ELOB: variants seen among roughly 807,000 people sequenced by gnomAD.
ELOB encodes the protein elongin B, also known as elongin-B.
Under a neutral mutation model 12.9 loss-of-function variants are expected in ELOB, and 3 were observed. That is an observed-to-expected ratio of 0.23 (90% CI 0.11 to 0.60). The LOEUF (loss-of-function observed/expected upper bound fraction) is 0.60, where lower values mean the gene tolerates loss of function less well. ELOB is among the 20% of genes least tolerant of loss of function. ELOB has a pLI of 0.89. For synonymous variants in ELOB, 84 were observed against 67.4 expected, an observed-to-expected ratio of 1.25 and a Z score of -1.21; for missense variants, 126 against 159.2, an observed-to-expected ratio of 0.79 and a Z score of 1.12.
At chr16:2,775,056 G>A (rs1291332780) in intron 3 of ELOB, among the ~76,000 whole-genome samples, 2 of 152,136 alleles carry the variant, frequency 1.3e-5, no homozygotes, top group South Asian at 2.1e-4. Context: ...GGCTCCCTAC[G>A]TGACTGCTGG....
intron 3 of ELOB, 151 bp from the exon 4 acceptor site, chr16:2,772,253 G>T: frequency 1.1e-6 from 1 of 912,534 alleles, no homozygotes; most frequent in Non-Finnish European, 1.5e-6. Flanking sequence ...TGACCTCCCT[G>T]TTCCAGCTAC....
chr16:2,771,649 G>A lies in ELOB; in HGVS notation c.*341C>T, dbSNP rs1433247919. ...TTAGAAGGAGAAAGGCCTAAAACTG[G>A]AATCTCTTGTCCCTGAGGCTGGCTC... On this transcript the variant is annotated 3_prime_UTR_variant, in exon 4 of 4. Coordinates refer to ENST00000409906, the MANE Select transcript of ELOB (RefSeq NM_007108.4). The A allele has an allele frequency of 1.2e-6, 2 of 1,612,242 alleles. No individual in the cohort carries two copies. The highest frequency in any genetic ancestry group is 2.7e-5 in the African/African-American group (2 of 74,884).
At position 2,775,700 on chromosome 16, in the gene ELOB, A is replaced by G. The variant is rs2068795771; in HGVS notation, c.139-144T>C. 5 of 578,298 alleles carry G rather than the reference A, an allele frequency of 8.6e-6. No individual in the cohort carries two copies. The South Asian group carries it at 8.8e-5, about 10-fold the overall frequency. 35.8% of individuals were successfully genotyped at this position (578,298 alleles called of 1,614,324 possible). On this transcript the variant is annotated intron_variant, in intron 2 of 3. Coordinates refer to ENST00000409906, the MANE Select transcript of ELOB (RefSeq NM_007108.4). ...AGGACCACCACGCTGCTTGACAAAT[A>G]CACAGATTCCAGGGTTATATCCAAG...
At position 2,771,610 on chromosome 16, in the gene ELOB, G is replaced by A. The variant is rs748204375; in HGVS notation, c.*380C>T. On this transcript the variant is annotated 3_prime_UTR_variant, in exon 4 of 4. Transcript: ENST00000409906. ...TCTGGGAGTGGACATGCAGGCTATG[G>A]GGGTGGGGGGCACTTAGAAGGAGAA... is the stretch of plus-strand genomic sequence containing the variant. The A allele has an allele frequency of 1.2e-6, 2 of 1,614,102 alleles. No individual in the cohort carries two copies. The highest frequency in any genetic ancestry group is 2.2e-5 in the East Asian group (1 of 44,878).
At position 2,771,732 on chromosome 16, in the gene ELOB, C is replaced by G; in HGVS notation, c.*258G>C. ...CCTCCCCCTGGCGTGGTTGGTGTGGCTGGCTAGCTGCTAACAATGGCTTGG... is the reference window on the plus strand; with the variant it reads ...CCTCCCCCTGGCGTGGTTGGTGTGGGTGGCTAGCTGCTAACAATGGCTTGG... On this transcript the variant is annotated 3_prime_UTR_variant, in exon 4 of 4. Transcript: ENST00000409906. 1 of 1,532,844 alleles carries G rather than the reference C, an allele frequency of 6.5e-7. No homozygotes were observed. The highest frequency in any genetic ancestry group is 2.0e-5 in the Admixed American group (1 of 50,910). The allele number at this position is 1,532,844 out of a possible 1,614,324, so 95.0% of individuals were successfully genotyped here. A position where few individuals can be genotyped will look rare whatever the true frequency, so the allele number is the denominator to read the frequency against.
At chr16:2,774,164 C>T (rs1050349820) in intron 3 of ELOB, among the ~76,000 whole-genome samples, 1 of 152,166 alleles carries the variant, frequency 6.6e-6, no homozygotes, top group African/African-American at 2.4e-5. Flanking sequence ...CGGGAGGCAG[C>T]GGCTGCAGTG....
Position 2,771,499 on chromosome 16 carries a change from TG to T in ELOB, c.*490del. ...ACAGCCCCCAGCGTGGGTGGACCTG[TG>T]TGGGTCCGTCTTGGGGTTCCCTCGT... On this transcript the variant is annotated 3_prime_UTR_variant, in exon 4 of 4. Transcript: ENST00000409906. 6.2e-7 allele frequency: 1 copy of T among 1,614,214 alleles called. No individual in the cohort carries two copies. Among genetic ancestry groups the T allele is most frequent in the Non-Finnish European group, 8.5e-7 (1 of 1,180,044 alleles).
Position 2,777,243 on chromosome 16 carries a change from G to T in ELOB, c.-4C>A, listed in dbSNP as rs1233470569. On this transcript the variant is annotated 5_prime_UTR_variant, in exon 1 of 4. Transcript: ENST00000409906. ...CTCCCCCACGCCCGCTCACCATCGC[G>T]GCTGCTGCCTCTCCCCTCGACGCGC... 3 of 1,020,838 alleles carry T rather than the reference G, an allele frequency of 2.9e-6. No individual in the cohort carries two copies. The highest frequency in any genetic ancestry group is 4.8e-4 in the Middle Eastern group (1 of 2,096). The allele number at this position is 1,020,838 out of a possible 1,614,324, so 63.2% of individuals were successfully genotyped here. A position where few individuals can be genotyped will look rare whatever the true frequency, so the allele number is the denominator to read the frequency against.
At chr16:2,773,670 G>C (rs904055103) in intron 3 of ELOB, among the ~76,000 whole-genome samples, 1 of 152,162 alleles carries the variant, frequency 6.6e-6, no homozygotes, top group East Asian at 1.9e-4. Flanking sequence ...GCCATCACCT[G>C]CAAGAGGGAT....
In ELOB at chr16:2,771,633, G is replaced by GA. The variant is rs1226054107; in HGVS notation, c.*356dup. On this transcript the variant is annotated 3_prime_UTR_variant, in exon 4 of 4. Transcript: ENST00000409906. ...TGGGGGTGGGGGGCACTTAGAAGGA[G>GA]AAAGGCCTAAAACTGGAATCTCTTG... 3 of 1,613,542 alleles carry GA rather than the reference G, an allele frequency of 1.9e-6. No homozygotes were observed. The highest frequency in any genetic ancestry group is 2.5e-6 in the Non-Finnish European group (3 of 1,179,926).
Position 2,773,089 on chromosome 16 carries a change from G to C in ELOB, c.245-987C>G, listed in dbSNP as rs147779882. 4.5e-4 allele frequency among the ~76,000 whole-genome samples: 68 copies of C among 152,228 alleles called. 1 individual carries two copies. The highest frequency in any genetic ancestry group is 1.5e-3 in the African/African-American group (63 of 41,536). ...GGAAGGCAAAGGCCTTCCCTGTCTTGTCCCTACTGTCACCCCAACACACAG... is the reference window on the plus strand; with the variant it reads ...GGAAGGCAAAGGCCTTCCCTGTCTTCTCCCTACTGTCACCCCAACACACAG... On this transcript the variant is annotated intron_variant, in intron 3 of 3. Coordinates refer to ENST00000409906, the MANE Select transcript of ELOB (RefSeq NM_007108.4).
intron 3 of ELOB, among the ~76,000 whole-genome samples, chr16:2,773,032 CACTGG>C (rs1023913188): frequency 6.6e-6 from 1 of 152,174 alleles, no homozygotes; most frequent in African/African-American, 2.4e-5. Context: ...GGGCACTTAC[CACTGG>C]ACAAACTGCC....
At chr16:2,775,397 G>C in intron 3 of ELOB, 54 bp downstream of exon 3, 2 of 1,352,048 alleles carry the variant, frequency 1.5e-6, no homozygotes, top group African/African-American at 1.4e-5. Context: ...CTTTGGAACA[G>C]TGTTCCCAAC....
intron 3 of ELOB, 197 bp from the exon 4 acceptor site, chr16:2,772,299 G>A (rs544868949): frequency 3.7e-6 from 2 of 541,362 alleles, no homozygotes; most frequent in South Asian, 3.4e-5. Flanking sequence ...CTACCCCTGT[G>A]GGCCCAACCT....
intron 2 of ELOB, 29 bp from the exon 3 acceptor site, chr16:2,775,585 G>A (rs752814231): frequency 3.8e-6 from 6 of 1,580,262 alleles, no homozygotes; most frequent in South Asian, 3.4e-5. Context: ...TCTTGGGAGA[G>A]GCCCTACATG....
In ELOB at chr16:2,771,737, T is replaced by C; in HGVS notation, c.*253A>G. The C allele has an allele frequency of 3.9e-6, 6 of 1,529,250 alleles. No individual in the cohort carries two copies. Among genetic ancestry groups the C allele is most frequent in the Non-Finnish European group, 3.5e-6 (4 of 1,142,222 alleles). The allele number at this position is 1,529,250 out of a possible 1,614,324, so 94.7% of individuals were successfully genotyped here. A position where few individuals can be genotyped will look rare whatever the true frequency, so the allele number is the denominator to read the frequency against. ...CCCTGGCGTGGTTGGTGTGGCTGGC[T>C]AGCTGCTAACAATGGCTTGGGTCTC... On this transcript the variant is annotated 3_prime_UTR_variant, in exon 4 of 4. Transcript: ENST00000409906.
chr16:2,776,776 C>G (rs1205718385), intron 2 of ELOB, among the ~76,000 whole-genome samples: 1 of 152,042 alleles, frequency 6.6e-6, no homozygotes, highest in East Asian at 1.9e-4. Context: ...CCCTCGGCGC[C>G]CGGGGCCCGG....
intron 3 of ELOB, among the ~76,000 whole-genome samples, chr16:2,773,419 C>T (rs1766920561): frequency 6.6e-6 from 1 of 152,210 alleles, no homozygotes; most frequent in Non-Finnish European, 1.5e-5. Flanking sequence ...CAATTCGTGC[C>T]TTCACTACCT....
At position 2,775,324 on chromosome 16, in the gene ELOB, G is replaced by A; in HGVS notation, c.244+127C>T. The A allele has an allele frequency of 7.4e-6, 4 of 543,700 alleles. No homozygotes were observed. The South Asian group carries it at 1.2e-4, about 17-fold the overall frequency. 33.7% of individuals were successfully genotyped at this position (543,700 alleles called of 1,614,324 possible). ...AACACATTGTGAAAGGATATTGCCA[G>A]CCCTTTAGGCACGAGGAAGACACTG... On this transcript the variant is annotated intron_variant, in intron 3 of 3. Coordinates refer to ENST00000409906, the MANE Select transcript of ELOB (RefSeq NM_007108.4).
Sources: allele counts gnomAD v4.1 joint callset (sites outside exome capture counted in the v4.1 genomes callset), GRCh38; gene constraint gnomAD v4.1.1; transcripts MANE v1.5; gene names NCBI Gene and HGNC (gene_info 2026-07-23, HGNC 2026-07-21).